The following FGF12 variants were observed in gnomAD, a reference collection of about 807,000 sequenced individuals.
FGF12 encodes the protein fibroblast growth factor 12, also known as fibroblast growth factor 12B.
FGF12 carries 14 observed loss-of-function variants against 23.6 expected under a neutral mutation model. That is an observed-to-expected ratio of 0.59 (90% CI 0.39 to 0.93). The LOEUF is 0.93. FGF12 is among the 40% of genes least tolerant of loss of function. The pLI is 0.00. For synonymous variants in FGF12, 62 were observed against 77.3 expected (o/e 0.80, Z 1.04); for missense variants, 175 against 217.8 (o/e 0.80, Z 1.24).
At position 192,612,101 on chromosome 3, in the gene FGF12, A is replaced by T. The variant is rs73203369; in HGVS notation, c.13+115080T>A. Among the ~76,000 whole-genome samples, 326 of 152,116 alleles carry T rather than the reference A, an allele frequency of 2.1e-3. 1 individual carries two copies. Among genetic ancestry groups the T allele is most frequent in the Non-Finnish European group, 3.6e-3 (247 of 67,936 alleles). On this transcript the variant is annotated intron_variant, in intron 2 of 5. Transcript: ENST00000445105. ...CTCTATATACCCATTTATCTTAGCC[A>T]TGTAGAATTGCAACCAAGGCCAGTT...
chr3:192,527,334 A>T (rs533498525), intron 2 of FGF12, among the ~76,000 whole-genome samples: 1 of 152,348 alleles, frequency 6.6e-6, no homozygotes, highest in Non-Finnish European at 1.5e-5. Flanking sequence ...ATAAACTAAG[A>T]TGATGACTAG....
intron 2 of FGF12, among the ~76,000 whole-genome samples, chr3:192,411,925 A>C (rs1224025891): frequency 6.6e-6 from 1 of 152,136 alleles, no homozygotes; most frequent in Non-Finnish European, 1.5e-5. Flanking sequence ...TGAAAACTGG[A>C]AAATGCCAAA....
intron 2 of FGF12, among the ~76,000 whole-genome samples, chr3:192,540,933 TTGTC>T (rs141229560): frequency 0.02 from 3,099 of 152,310 alleles, 108 homozygotes; most frequent in African/African-American, 0.071. Flanking sequence ...GAAATCTACT[TTGTC>T]TGATGTAAGT....
In FGF12 at chr3:192,390,599, T is replaced by C. The variant is rs552657487; in HGVS notation, c.14-30061A>G. 1.6e-4 allele frequency among the ~76,000 whole-genome samples: 24 copies of C among 152,292 alleles called. 1 individual carries two copies. Among genetic ancestry groups the C allele is most frequent in the South Asian group, 4.1e-4 (2 of 4,828 alleles). ...GGCAGAAGGGATGAAGAAAAGGTTA[T>C]ATGAAACAGAAGCTGATAGCTATGT... On this transcript the variant is annotated intron_variant, in intron 2 of 5. Coordinates refer to ENST00000445105, the MANE Select transcript of FGF12 (RefSeq NM_004113.6).
At chr3:192,311,211 C>A (rs1715914516) in intron 4 of FGF12, among the ~76,000 whole-genome samples, 1 of 152,092 alleles carries the variant, frequency 6.6e-6, no homozygotes, top group Non-Finnish European at 1.5e-5. Flanking sequence ...TTAATATATT[C>A]ACAGAGTTGT....
At chr3:192,603,762 G>A (rs1714216744) in intron 2 of FGF12, among the ~76,000 whole-genome samples, 1 of 152,160 alleles carries the variant, frequency 6.6e-6, no homozygotes, top group South Asian at 2.1e-4. Context: ...TGAGGAAACA[G>A]GACAAAGGGC....
intron 4 of FGF12, among the ~76,000 whole-genome samples, chr3:192,283,774 G>A (rs1287571246): frequency 6.6e-6 from 1 of 152,028 alleles, no homozygotes; most frequent in Non-Finnish European, 1.5e-5. Context: ...AAGGTGGTGG[G>A]AGAGTGGTCA....
intron 2 of FGF12, among the ~76,000 whole-genome samples, chr3:192,541,021 T>G (rs1560144501): frequency 1.3e-5 from 2 of 152,184 alleles, no homozygotes; most frequent in African/African-American, 2.4e-5. Context: ...TCAGTTTATG[T>G]GTGTCTTTAT....
chr3:192,439,908 A>G (rs186948146), intron 2 of FGF12, among the ~76,000 whole-genome samples: 2,132 of 151,476 alleles, frequency 0.014, 20 homozygotes, highest in Non-Finnish European at 0.023. Context: ...CCCGGGAGGC[A>G]GAGGCTGCAG....
intron 2 of FGF12, among the ~76,000 whole-genome samples, chr3:192,368,757 TACA>T (rs1719097126): frequency 1.3e-5 from 2 of 152,174 alleles, no homozygotes; most frequent in Non-Finnish European, 2.9e-5. Context: ...GCTTTCATGC[TACA>T]ACAACAAAGG....
chr3:192,212,575 T>A (rs1030092211), intron 4 of FGF12, among the ~76,000 whole-genome samples: 1 of 152,106 alleles, frequency 6.6e-6, no homozygotes, highest in Non-Finnish European at 1.5e-5. Flanking sequence ...GCTAATAACT[T>A]ATAGCACAAT....
At chr3:192,568,206 C>G (rs1712434268) in intron 2 of FGF12, among the ~76,000 whole-genome samples, 1 of 152,162 alleles carries the variant, frequency 6.6e-6, no homozygotes, top group South Asian at 2.1e-4. Flanking sequence ...TTGATTTCAT[C>G]TGCAGAACTA....
At chr3:192,298,268 T>C (rs1183020497) in intron 4 of FGF12, among the ~76,000 whole-genome samples, 1 of 152,182 alleles carries the variant, frequency 6.6e-6, no homozygotes, top group African/African-American at 2.4e-5. Context: ...TGTCCCTTGA[T>C]CTCATAGAGT....
intron 4 of FGF12, among the ~76,000 whole-genome samples, chr3:192,306,270 T>TA (rs1475007156): frequency 1.3e-5 from 2 of 152,198 alleles, no homozygotes; most frequent in Non-Finnish European, 2.9e-5. Context: ...TGGAAATTCT[T>TA]ACACAAATCC....
chr3:192,231,341 G>A (rs907908932), intron 4 of FGF12, among the ~76,000 whole-genome samples: 4 of 151,966 alleles, frequency 2.6e-5, no homozygotes, highest in African/African-American at 7.3e-5. Flanking sequence ...CATCAACAAC[G>A]AGAAAAGAGG....
chr3:192,423,162 T>G (rs1721583502), intron 2 of FGF12, among the ~76,000 whole-genome samples: 1 of 152,158 alleles, frequency 6.6e-6, no homozygotes, highest in Non-Finnish European at 1.5e-5. Context: ...GAATCAGGCC[T>G]AAATGTGTGG....
chr3:192,538,883 T>A (rs1376628830), intron 2 of FGF12, among the ~76,000 whole-genome samples: 2 of 152,194 alleles, frequency 1.3e-5, no homozygotes, highest in African/African-American at 4.8e-5. Context: ...TTCCTAGATA[T>A]TTTATTTTAT....
chr3:192,484,056 T>C (rs913416303), intron 2 of FGF12, among the ~76,000 whole-genome samples: 2 of 152,060 alleles, frequency 1.3e-5, no homozygotes, highest in Non-Finnish European at 2.9e-5. Context: ...CCTGAAAGAT[T>C]GGGGAACTGA....
intron 2 of FGF12, among the ~76,000 whole-genome samples, chr3:192,380,958 T>C (rs968292810): frequency 2.7e-5 from 4 of 149,604 alleles, no homozygotes; most frequent in Non-Finnish European, 4.4e-5. Context: ...ATATATAGTA[T>C]ATATTTAATG....
Sources: gnomAD v4.1 joint callset for allele counts (sites outside exome capture counted in the v4.1 genomes callset) on GRCh38, gnomAD v4.1.1 for gene constraint, MANE v1.5 for transcripts, NCBI Gene and HGNC (gene_info 2026-07-23, HGNC 2026-07-21) for gene names.